The following LRP1B variants were observed in gnomAD, a reference collection of about 807,000 sequenced individuals.
The protein encoded by LRP1B is low-density lipoprotein receptor-related protein 1B.
In LRP1B, 217 loss-of-function variants were observed where a neutral mutation model predicts 556.6. The ratio of observed to expected loss-of-function variants is 0.39; its 90% CI spans 0.35 to 0.44. LRP1B has a LOEUF of 0.44. Among genes scored for constraint, LRP1B ranks in the 20% least tolerant of loss-of-function variants. The pLI is 1.00. For synonymous variants in LRP1B, 2,047 were observed against 1,865.8 expected (o/e 1.10, Z -2.50); for missense variants, 5,053 against 5,620.8 (o/e 0.90, Z 3.23).
intron 84 of LRP1B, among the ~76,000 whole-genome samples, chr2:140,281,792 C>T (rs915632405): frequency 5.3e-5 from 8 of 151,756 alleles, no homozygotes; most frequent in Non-Finnish European, 7.4e-5. Context: ...AGCCAGTTTC[C>T]GTGCAATTTA....
chr2:140,641,027 C>T (rs1574179404), intron 41 of LRP1B, among the ~76,000 whole-genome samples: 1 of 152,162 alleles, frequency 6.6e-6, no homozygotes, highest in East Asian at 1.9e-4. Context: ...TTCACCAAGG[C>T]TGTTTTAATA....
At chr2:140,654,351 G>A (rs10209597) in intron 41 of LRP1B, among the ~76,000 whole-genome samples, 117,038 of 151,964 alleles carry the variant, frequency 0.77, 45,176 homozygotes, top group East Asian at 0.89. Context: ...ACATTAACAA[G>A]GATGAATAAT....
At chr2:141,735,041 C>T (rs1693412229) in intron 2 of LRP1B, among the ~76,000 whole-genome samples, 1 of 152,018 alleles carries the variant, frequency 6.6e-6, no homozygotes, top group East Asian at 1.9e-4. Flanking sequence ...ATAGCTAATC[C>T]TACTCCAGCT....
chr2:141,211,635 A>G (rs1682558368), intron 6 of LRP1B, among the ~76,000 whole-genome samples: 1 of 152,168 alleles, frequency 6.6e-6, no homozygotes, highest in Non-Finnish European at 1.5e-5. Context: ...AAAATAAAAT[A>G]AAAACTAAGC....
intron 2 of LRP1B, among the ~76,000 whole-genome samples, chr2:141,612,351 T>C (rs1688136143): frequency 6.6e-6 from 1 of 152,208 alleles, no homozygotes; most frequent in Non-Finnish European, 1.5e-5. Flanking sequence ...ATCTTATTTC[T>C]GCCTTTAGAG....
chr2:141,915,328 A>G (rs1700001727), intron 1 of LRP1B, among the ~76,000 whole-genome samples: 1 of 152,194 alleles, frequency 6.6e-6, no homozygotes, highest in Admixed American at 6.5e-5. Context: ...TTCACCATAT[A>G]CAACAATACA....
At position 141,039,228 on chromosome 2, in the gene LRP1B, C is replaced by T. The variant is rs892036862; in HGVS notation, c.1789+9758G>A. Among the ~76,000 whole-genome samples, 82 of 152,072 alleles carry T rather than the reference C, an allele frequency of 5.4e-4. 2 individuals are homozygous for T. The highest frequency in any genetic ancestry group is 3.3e-4 in the Admixed American group (5 of 15,228). On this transcript the variant is annotated intron_variant, in intron 11 of 90. Coordinates refer to ENST00000389484, the MANE Select transcript of LRP1B (RefSeq NM_018557.3). ...CCACCCAGGTTGTAAGATTGACAGA[C>T]CACAAGAAGAGTGAGTACAGTACAG...
chr2:141,258,533 G>A (rs574773621), intron 3 of LRP1B, among the ~76,000 whole-genome samples: 1 of 152,188 alleles, frequency 6.6e-6, no homozygotes, highest in East Asian at 1.9e-4. Flanking sequence ...AATCCAATTC[G>A]TGAAGATTCC....
intron 3 of LRP1B, among the ~76,000 whole-genome samples, chr2:141,277,582 T>A (rs1326895299): frequency 6.6e-6 from 1 of 152,096 alleles, no homozygotes; most frequent in African/African-American, 2.4e-5. Context: ...AACTTTAACT[T>A]TTGGGAATAA....
intron 31 of LRP1B, among the ~76,000 whole-genome samples, chr2:140,838,097 T>A (rs1691975398): frequency 6.6e-6 from 1 of 152,132 alleles, no homozygotes; most frequent in East Asian, 1.9e-4. Context: ...ACTGGATATT[T>A]AGTATTAGAA....
At chr2:140,420,927 T>TTTAAAAC (rs1685413761) in intron 66 of LRP1B, among the ~76,000 whole-genome samples, 1 of 152,076 alleles carries the variant, frequency 6.6e-6, no homozygotes, top group African/African-American at 2.4e-5. Flanking sequence ...TATATACAAC[T>TTTAAAAC]TTTAAAACTT....
At chr2:141,961,779 T>A (rs1466666444) in intron 1 of LRP1B, among the ~76,000 whole-genome samples, 1 of 151,668 alleles carries the variant, frequency 6.6e-6, no homozygotes. Context: ...CTTTAAAAAA[T>A]TTAGATCTCT....
intron 24 of LRP1B, among the ~76,000 whole-genome samples, chr2:140,884,580 C>A (rs1162977451): frequency 6.6e-6 from 1 of 151,944 alleles, no homozygotes; most frequent in East Asian, 1.9e-4. Context: ...CACCTGGGAC[C>A]CTAAGACTTG....
chr2:142,081,554 A>G (rs983627176), intron 1 of LRP1B, among the ~76,000 whole-genome samples: 2 of 152,180 alleles, frequency 1.3e-5, no homozygotes, highest in African/African-American at 4.8e-5. Flanking sequence ...AATAAACTCT[A>G]CCCTGAGAAG....
At chr2:140,313,153 A>T (rs1684379712) in intron 83 of LRP1B, among the ~76,000 whole-genome samples, 1 of 151,946 alleles carries the variant, frequency 6.6e-6, no homozygotes, top group South Asian at 2.1e-4. Flanking sequence ...TTTTTAAGTG[A>T]CTTAATTACA....
At chr2:140,749,976 T>A (rs1387144531) in intron 35 of LRP1B, among the ~76,000 whole-genome samples, 1 of 152,028 alleles carries the variant, frequency 6.6e-6, no homozygotes, top group Non-Finnish European at 1.5e-5. Context: ...CAATAGAAAT[T>A]TTTCATCTTC....
At chr2:140,641,904 G>A (rs1257988984) in intron 41 of LRP1B, among the ~76,000 whole-genome samples, 1 of 152,100 alleles carries the variant, frequency 6.6e-6, no homozygotes, top group African/African-American at 2.4e-5. Context: ...GCTTATTTAA[G>A]GGGAAACAAA....
At chr2:141,195,764 T>C (rs1329001401) in intron 6 of LRP1B, among the ~76,000 whole-genome samples, 1 of 152,210 alleles carries the variant, frequency 6.6e-6, no homozygotes, top group East Asian at 1.9e-4. Flanking sequence ...ATTCTGTGCA[T>C]TGGGACACAA....
chr2:140,671,158 C>A (rs565055454), intron 41 of LRP1B, among the ~76,000 whole-genome samples: 1 of 152,296 alleles, frequency 6.6e-6, no homozygotes, highest in Non-Finnish European at 1.5e-5. Flanking sequence ...AGTCTACAAT[C>A]TGTATCATTG....
Sources: allele counts gnomAD v4.1 joint callset (sites outside exome capture counted in the v4.1 genomes callset), GRCh38; gene constraint gnomAD v4.1.1; transcripts MANE v1.5; gene names NCBI Gene and HGNC (gene_info 2026-07-23, HGNC 2026-07-21).